The following CST8 variants were observed in gnomAD, a reference collection of about 807,000 sequenced individuals.
CST8 encodes cystatin-8.
Under a neutral mutation model 11.8 loss-of-function variants are expected in CST8, and 20 were observed. The ratio of observed to expected loss-of-function variants is 1.70; its 90% CI spans 1.20 to 2.47. The LOEUF is 2.47. Ranked by LOEUF, CST8 falls within the 30% of genes most tolerant of loss-of-function variation. The pLI, the probability that CST8 is intolerant of heterozygous loss-of-function variation, is 0.00. For synonymous variants in CST8, 77 were observed against 63.1 expected, an observed-to-expected ratio of 1.22 and a Z score of -1.05; for missense variants, 196 against 167.2, an observed-to-expected ratio of 1.17 and a Z score of -0.95.
At chr20:23,503,803 G>T in the CST8 span, among the ~76,000 whole-genome samples, 94 of 152,336 alleles carry the variant, frequency 6.2e-4, 1 homozygote, top group African/African-American at 2.1e-3. Context: ...GGTGAGAGGC[G>T]GCAGGCAAGA....
chr20:23,495,192 G>A (rs1988005959), intron 3 of CST8, among the ~76,000 whole-genome samples: 1 of 152,046 alleles, frequency 6.6e-6, no homozygotes, highest in Non-Finnish European at 1.5e-5. Flanking sequence ...GTACCACATT[G>A]TTTTTTTAAT....
rs542039053 is a variant in CST8, at chr20:23,491,202, A to C, written c.-284A>C. On this transcript the variant is annotated 5_prime_UTR_variant, in exon 1 of 4. Transcript: ENST00000246012. Reference sequence around the variant, plus strand: ...TGGTCAGGTCAGCTCCCAGCTCCACAGGGAGTAAGAAGGAGCTGCAGGCAC... The same window carrying C: ...TGGTCAGGTCAGCTCCCAGCTCCACCGGGAGTAAGAAGGAGCTGCAGGCAC... 3.5e-3 allele frequency: 587 copies of C among 167,856 alleles called. 3 individuals are homozygous for C. The highest frequency in any genetic ancestry group is 0.014 in the African/African-American group (570 of 41,810). 10.4% of individuals were successfully genotyped at this position (167,856 alleles called of 1,614,324 possible).
intron 2 of CST8, among the ~76,000 whole-genome samples, 180 bp downstream of exon 2, chr20:23,492,078 C>T (rs748247746): frequency 5.9e-5 from 9 of 152,232 alleles, no homozygotes; most frequent in Non-Finnish European, 8.8e-5. Context: ...GCACTTTCTA[C>T]AAACGCTTGC....
chr20:23,504,231 A>C, the CST8 span, among the ~76,000 whole-genome samples: 1 of 152,206 alleles, frequency 6.6e-6, no homozygotes, highest in Non-Finnish European at 1.5e-5. Flanking sequence ...GATGCCAAGT[A>C]GCTACAGGGT....
the CST8 span, among the ~76,000 whole-genome samples, chr20:23,501,508 G>A: frequency 3.3e-5 from 5 of 152,304 alleles, no homozygotes; most frequent in East Asian, 1.9e-4. Flanking sequence ...CCTACCGCTC[G>A]CTATGGAGGG....
At chr20:23,502,308 TAAAG>T in the CST8 span, among the ~76,000 whole-genome samples, 1 of 152,142 alleles carries the variant, frequency 6.6e-6, no homozygotes, top group Non-Finnish European at 1.5e-5. Context: ...AAAACAAAAT[TAAAG>T]AAAGGGGAAA....
intron 3 of CST8, among the ~76,000 whole-genome samples, chr20:23,494,210 A>G (rs1346874818): frequency 6.6e-6 from 1 of 152,164 alleles, no homozygotes; most frequent in Non-Finnish European, 1.5e-5. Flanking sequence ...GGTATTAGGA[A>G]TATGGTTGCT....
chr20:23,492,808 G>A, intron 2 of CST8, 150 bp from the exon 3 acceptor site: 1 of 660,274 alleles, frequency 1.5e-6, no homozygotes, highest in South Asian at 1.8e-5. Flanking sequence ...TCCAGGCAGT[G>A]GGCATCTTAG....
chr20:23,492,337 A>G (rs1473304502), intron 2 of CST8, among the ~76,000 whole-genome samples: 1 of 152,248 alleles, frequency 6.6e-6, no homozygotes, highest in Non-Finnish European at 1.5e-5. Context: ...GCATTCAGTC[A>G]CTAATGAGTT....
the CST8 span, among the ~76,000 whole-genome samples, chr20:23,506,687 T>G: frequency 6.6e-6 from 1 of 152,196 alleles, no homozygotes; most frequent in Non-Finnish European, 1.5e-5. Context: ...ATGCTAAAGT[T>G]CTGACTACCT....
At chr20:23,497,642 G>A (rs1314144347), downstream of CST8, among the ~76,000 whole-genome samples, 4 of 152,322 alleles carry the variant, frequency 2.6e-5, no homozygotes, top group African/African-American at 7.2e-5. Flanking sequence ...GGTTGAGGAG[G>A]CCTCACAATC....
chr20:23,505,361 G>T, the CST8 span, among the ~76,000 whole-genome samples: 1 of 152,008 alleles, frequency 6.6e-6, no homozygotes, highest in African/African-American at 2.4e-5. Flanking sequence ...AGCCAGGATG[G>T]TCTGGATCTC....
the CST8 span, among the ~76,000 whole-genome samples, chr20:23,501,682 G>A: frequency 1.3e-5 from 2 of 152,224 alleles, no homozygotes; most frequent in Admixed American, 1.3e-4. Context: ...TGTACTATTT[G>A]GATCCTGCCC....
At chr20:23,492,261 T>G (rs1987910869) in intron 2 of CST8, among the ~76,000 whole-genome samples, 2 of 152,230 alleles carry the variant, frequency 1.3e-5, no homozygotes, top group South Asian at 4.1e-4. Flanking sequence ...CTCCTTCATC[T>G]CCTGCTGTAA....
downstream of CST8, among the ~76,000 whole-genome samples, chr20:23,496,497 C>T (rs917998714): frequency 2.6e-5 from 4 of 152,074 alleles, no homozygotes; most frequent in African/African-American, 9.7e-5. Flanking sequence ...TATCACAAGG[C>T]AAATGGAGGC....
At chr20:23,503,664 TGAA>T in the CST8 span, among the ~76,000 whole-genome samples, 5 of 152,166 alleles carry the variant, frequency 3.3e-5, no homozygotes, top group Admixed American at 1.3e-4. Context: ...GATAAAGTAA[TGAA>T]GTCATTATTT....
At chr20:23,502,572 C>T in the CST8 span, among the ~76,000 whole-genome samples, 2 of 152,196 alleles carry the variant, frequency 1.3e-5, no homozygotes, top group Non-Finnish European at 1.5e-5. Context: ...AAGATGATGC[C>T]TGCTGGGGTC....
At chr20:23,493,197 C>A (rs1987944701) in intron 3 of CST8, 126 bp downstream of exon 3, 8 of 674,958 alleles carry the variant, frequency 1.2e-5, no homozygotes, top group Admixed American at 2.5e-5. Flanking sequence ...GATAGCCAAC[C>A]CTGTGGCCTT....
At chr20:23,504,845 A>G in the CST8 span, among the ~76,000 whole-genome samples, 1 of 152,108 alleles carries the variant, frequency 6.6e-6, no homozygotes, top group African/African-American at 2.4e-5. Flanking sequence ...CACAAGTACT[A>G]GTTTCCCCAA....
Sources: gnomAD v4.1 joint callset for allele counts (sites outside exome capture counted in the v4.1 genomes callset) on GRCh38, gnomAD v4.1.1 for gene constraint, MANE v1.5 for transcripts, NCBI Gene and HGNC (gene_info 2026-07-23, HGNC 2026-07-21) for gene names.